The following MARCHF1 variants were observed in gnomAD, a reference collection of about 807,000 sequenced individuals.
MARCHF1 encodes the protein E3 ubiquitin-protein ligase MARCHF1.
In MARCHF1, 40 loss-of-function variants were observed where a neutral mutation model predicts 54.2. That is an observed-to-expected ratio of 0.74 (90% confidence interval 0.57 to 0.96). The LOEUF (loss-of-function observed/expected upper bound fraction) is 0.96. Among genes scored for constraint, MARCHF1 ranks in the 40% least tolerant of loss-of-function variants. The pLI, the probability that MARCHF1 is intolerant of heterozygous loss-of-function variation, is 0.00. For synonymous variants in MARCHF1, 236 were observed against 236.3 expected (o/e 1.00, Z 0.01); for missense variants, 586 against 656.5 (o/e 0.89, Z 1.17).
chr4:163,628,978 A>G (rs1441061020), intron 5 of MARCHF1, among the ~76,000 whole-genome samples: 1 of 152,220 alleles, frequency 6.6e-6, no homozygotes, highest in Non-Finnish European at 1.5e-5. Flanking sequence ...ATACTGCCCA[A>G]AGTAATTTAT....
intron 2 of MARCHF1, among the ~76,000 whole-genome samples, chr4:164,042,642 C>T (rs932032123): frequency 2.0e-5 from 3 of 152,154 alleles, no homozygotes; most frequent in African/African-American, 4.8e-5. Context: ...GTCCTCCTCA[C>T]ATTGCAAAAT....
intron 4 of MARCHF1, among the ~76,000 whole-genome samples, chr4:163,823,719 T>A (rs1404025572): frequency 2.0e-5 from 3 of 151,844 alleles, no homozygotes; most frequent in African/African-American, 7.2e-5. Flanking sequence ...CAAAGTAGAA[T>A]GATCAAAAGT....
At chr4:163,942,173 G>A (rs1379790202) in intron 3 of MARCHF1, among the ~76,000 whole-genome samples, 1 of 152,158 alleles carries the variant, frequency 6.6e-6, no homozygotes, top group African/African-American at 2.4e-5. Flanking sequence ...TATCTGTGAA[G>A]CAGTAAGGTT....
At chr4:164,255,502 T>C (rs1040238359) in intron 1 of MARCHF1, among the ~76,000 whole-genome samples, 1 of 151,468 alleles carries the variant, frequency 6.6e-6, no homozygotes, top group African/African-American at 2.4e-5. Flanking sequence ...AAATGGGATA[T>C]ACTTACCAAT....
chr4:164,119,286 A>C (rs1219708868), intron 1 of MARCHF1, among the ~76,000 whole-genome samples: 2 of 151,670 alleles, frequency 1.3e-5, no homozygotes, highest in Admixed American at 6.6e-5. Flanking sequence ...TAAAATCAAA[A>C]TTAAAATATC....
chr4:163,699,579 T>C (rs907484826), intron 5 of MARCHF1, among the ~76,000 whole-genome samples: 3 of 152,186 alleles, frequency 2.0e-5, no homozygotes, highest in Admixed American at 6.5e-5. Flanking sequence ...ATCTACTTTC[T>C]TTAATGTCTG....
At chr4:163,718,756 A>G (rs1249693421) in intron 4 of MARCHF1, among the ~76,000 whole-genome samples, 3 of 152,126 alleles carry the variant, frequency 2.0e-5, no homozygotes, top group African/African-American at 7.2e-5. Flanking sequence ...TTTGCCTAGA[A>G]CATTACAAAT....
At chr4:163,917,658 T>C (rs1212854267) in intron 3 of MARCHF1, among the ~76,000 whole-genome samples, 1 of 152,160 alleles carries the variant, frequency 6.6e-6, no homozygotes, top group Non-Finnish European at 1.5e-5. Flanking sequence ...ATGTGCAGGA[T>C]GTGCAGGTTT....
At chr4:163,595,794 AT>A (rs1336591906) in intron 7 of MARCHF1, among the ~76,000 whole-genome samples, 22 of 152,180 alleles carry the variant, frequency 1.4e-4, no homozygotes, top group African/African-American at 5.1e-4. Context: ...GTAATTTTTG[AT>A]TATGCAAGAT....
intron 1 of MARCHF1, among the ~76,000 whole-genome samples, chr4:164,160,140 T>C (rs1730192281): frequency 6.6e-6 from 1 of 152,206 alleles, no homozygotes; most frequent in South Asian, 2.1e-4. Context: ...ACTTTTCAAA[T>C]TCGATATTTT....
intron 1 of MARCHF1, among the ~76,000 whole-genome samples, chr4:164,162,062 A>C (rs546939451): frequency 6.6e-6 from 1 of 152,326 alleles, no homozygotes; most frequent in East Asian, 1.9e-4. Flanking sequence ...GAAAACAGCT[A>C]TCTGCAGATC....
intron 1 of MARCHF1, chr4:164,189,515 G>A: frequency 1.3e-6 from 1 of 766,364 alleles, no homozygotes; most frequent in South Asian, 1.5e-5. Context: ...TCCTTCAATG[G>A]CAAGGAGTCC....
chr4:163,940,077 C>G (rs1333838866), intron 3 of MARCHF1, among the ~76,000 whole-genome samples: 1 of 152,106 alleles, frequency 6.6e-6, no homozygotes, highest in African/African-American at 2.4e-5. Flanking sequence ...TTTTCTTCCT[C>G]TCTCCACTCT....
intron 3 of MARCHF1, among the ~76,000 whole-genome samples, chr4:163,904,855 A>C (rs535661303): frequency 6.6e-6 from 1 of 152,184 alleles, no homozygotes; most frequent in African/African-American, 2.4e-5. Context: ...AATAACTGTG[A>C]ATCTCCTAAT....
chr4:163,911,122 G>A (rs1338024830), intron 3 of MARCHF1, among the ~76,000 whole-genome samples: 2 of 152,028 alleles, frequency 1.3e-5, no homozygotes, highest in East Asian at 3.9e-4. Context: ...ATACAGGTTT[G>A]TTATGTGTAT....
chr4:164,199,631 G>GTC (rs1452646305), intron 1 of MARCHF1, among the ~76,000 whole-genome samples: 9 of 97,948 alleles, frequency 9.2e-5, no homozygotes, highest in East Asian at 3.0e-4. Context: ...GCAGGACTCT[G>GTC]TCACACACAC....
rs62334061 is a variant in MARCHF1, at chr4:163,568,687, T to C, written c.1191+17062A>G. Among the ~76,000 whole-genome samples, 959 of 152,232 alleles carry C rather than the reference T, an allele frequency of 6.3e-3. 7 individuals carry two copies. The highest frequency in any genetic ancestry group is 0.043 in the South Asian group (206 of 4,828). The stretch of plus-strand genomic sequence containing the variant: ...GAAGATCAGTGCCAGCCAGCCCTTT[T>C]TGGCCAGTGTACCTTGGGAAAGGAA... On this transcript the variant is annotated intron_variant, in intron 8 of 9. Transcript: ENST00000514618.
intron 1 of MARCHF1, among the ~76,000 whole-genome samples, chr4:164,311,281 T>TG (rs1288474253): frequency 2.0e-5 from 3 of 151,992 alleles, no homozygotes; most frequent in Admixed American, 1.3e-4. Context: ...AGGGTAATAC[T>TG]GGGAAAAAAA....
At chr4:164,209,024 T>TTA (rs1450548396) in intron 1 of MARCHF1, among the ~76,000 whole-genome samples, 1 of 149,658 alleles carries the variant, frequency 6.7e-6, no homozygotes, top group East Asian at 1.9e-4. Flanking sequence ...TACATATTTA[T>TTA]TATATATATT....
Sources: allele counts gnomAD v4.1 joint callset (sites outside exome capture counted in the v4.1 genomes callset), GRCh38; gene constraint gnomAD v4.1.1; transcripts MANE v1.5; gene names NCBI Gene and HGNC (gene_info 2026-07-23, HGNC 2026-07-21).